Variants in SLC24A3 observed in about 807,000 individuals in gnomAD.
The protein encoded by SLC24A3 is sodium/potassium/calcium exchanger 3.
SLC24A3 carries 28 observed loss-of-function variants against 75.8 expected under a neutral mutation model. That is an observed-to-expected ratio of 0.37 (90% CI 0.27 to 0.51). The LOEUF is 0.51. Ranked by LOEUF, SLC24A3 falls within the 20% of genes least tolerant of loss-of-function variation. The pLI, the probability that SLC24A3 is intolerant of heterozygous loss-of-function variation, is 0.94. For missense variants in SLC24A3, 663 were observed against 847.8 expected, an observed-to-expected ratio of 0.78 and a Z score of 2.71; for synonymous variants, 372 against 334.1, an observed-to-expected ratio of 1.11 and a Z score of -1.24.
intron 8 of SLC24A3, among the ~76,000 whole-genome samples, chr20:19,666,759 G>A (rs1271771583): frequency 2.6e-5 from 4 of 152,196 alleles, no homozygotes; most frequent in South Asian, 2.1e-4. Context: ...CGAGGTGGGC[G>A]GATCACCTGA....
At chr20:19,379,118 A>G (rs1986138214) in intron 2 of SLC24A3, among the ~76,000 whole-genome samples, 1 of 152,120 alleles carries the variant, frequency 6.6e-6, no homozygotes, top group Non-Finnish European at 1.5e-5. Flanking sequence ...AAGCAGATGA[A>G]CCATGAGCGG....
chr20:19,304,910 T>G (rs1232155303), intron 2 of SLC24A3, among the ~76,000 whole-genome samples: 2 of 152,238 alleles, frequency 1.3e-5, no homozygotes, highest in African/African-American at 4.8e-5. Flanking sequence ...TGGCCCTGTC[T>G]GAACTTTAAG....
chr20:19,395,277 G>A (rs78529973), intron 2 of SLC24A3, among the ~76,000 whole-genome samples: 2,288 of 152,226 alleles, frequency 0.015, 50 homozygotes, highest in African/African-American at 0.048. Flanking sequence ...AAAAATGTGC[G>A]TATACTTAAC....
intron 3 of SLC24A3, among the ~76,000 whole-genome samples, chr20:19,569,957 C>A (rs946164264): frequency 6.6e-6 from 1 of 152,190 alleles, no homozygotes; most frequent in Non-Finnish European, 1.5e-5. Flanking sequence ...GAGTTGGCTT[C>A]TGCTTTCTGC....
intron 1 of SLC24A3, among the ~76,000 whole-genome samples, chr20:19,231,363 T>C (rs1363561528): frequency 3.3e-5 from 5 of 152,174 alleles, no homozygotes; most frequent in African/African-American, 1.2e-4. Flanking sequence ...GCTGATGGAA[T>C]TCAGGTTGCA....
Position 19,515,544 on chromosome 20 carries a change from G to T in SLC24A3, c.328G>T (p.Val110Leu). The T allele has an allele frequency of 6.2e-7, 1 of 1,614,194 alleles. No homozygotes were observed. Among genetic ancestry groups the T allele is most frequent in the South Asian group, 1.1e-5 (1 of 91,082 alleles). ...FTNEDRRQGA[V>L]VLHVLCAIYM... ...AAACGAGGATAGAAGACAAGGTGCG[G>T]TGGTCCTCCATGTGCTCTGTGTAAG... The change falls in exon 3 of 17, where the codon GTG (valine) becomes TTG (leucine). Residue 110 changes from valine to leucine, a missense_variant. By Grantham distance (32) the Val-to-Leu change is conservative. Transcript: ENST00000328041.
chr20:19,381,713 A>G (rs1015435323), intron 2 of SLC24A3, among the ~76,000 whole-genome samples: 5 of 152,184 alleles, frequency 3.3e-5, no homozygotes, highest in Admixed American at 1.3e-4. Flanking sequence ...CAACCTCCCA[A>G]CTACGGTTTC....
intron 2 of SLC24A3, among the ~76,000 whole-genome samples, chr20:19,505,913 C>G (rs536517377): frequency 6.7e-4 from 102 of 152,280 alleles, no homozygotes; most frequent in Non-Finnish European, 1.4e-3. Flanking sequence ...TGGGAAACTC[C>G]CCTATCCATA....
rs559368597 is a variant in SLC24A3, at chr20:19,456,837, A to C, written c.272-58651A>C. 9.2e-5 allele frequency among the ~76,000 whole-genome samples: 14 copies of C among 152,340 alleles called. No homozygotes were observed. In the East Asian group the frequency reaches 2.7e-3, roughly 29 times the overall value. On this transcript the variant is annotated intron_variant, in intron 2 of 16. Coordinates refer to ENST00000328041, the MANE Select transcript of SLC24A3 (RefSeq NM_020689.4). ...GACCTGGGAGTCAGTGCAACACACCAGTCACCACCCTGGGCTTATTACACT... is the reference window on the plus strand; with the variant it reads ...GACCTGGGAGTCAGTGCAACACACCCGTCACCACCCTGGGCTTATTACACT...
intron 2 of SLC24A3, among the ~76,000 whole-genome samples, chr20:19,513,939 C>T (rs2029934165): frequency 6.6e-6 from 1 of 152,022 alleles, no homozygotes; most frequent in Non-Finnish European, 1.5e-5. Flanking sequence ...GATTTAGATC[C>T]ATCCTCTTCG....
At chr20:19,491,034 C>T (rs2122530309) in intron 2 of SLC24A3, among the ~76,000 whole-genome samples, 1 of 152,326 alleles carries the variant, frequency 6.6e-6, no homozygotes, top group Admixed American at 6.5e-5. Flanking sequence ...CTCAACTTTG[C>T]CTTTTCCTCT....
At chr20:19,552,769 G>A (rs1234830823) in intron 3 of SLC24A3, among the ~76,000 whole-genome samples, 2 of 152,094 alleles carry the variant, frequency 1.3e-5, no homozygotes, top group African/African-American at 2.4e-5. Context: ...TCCCTGGCCT[G>A]TAATCTCACA....
At chr20:19,715,519 C>T (rs1600355007) in intron 15 of SLC24A3, among the ~76,000 whole-genome samples, 1 of 152,320 alleles carries the variant, frequency 6.6e-6, no homozygotes, top group Middle Eastern at 3.4e-3. Context: ...AAATGGTTGA[C>T]TCACAGGGAT....
intron 12 of SLC24A3, among the ~76,000 whole-genome samples, chr20:19,688,883 TTAA>T (rs1381580734): frequency 7.7e-6 from 1 of 130,052 alleles, no homozygotes; most frequent in African/African-American, 3.4e-5. Flanking sequence ...CTGTGTACAC[TTAA>T]TATATTGTAT....
chr20:19,240,790 C>A (rs1035595604), intron 1 of SLC24A3, among the ~76,000 whole-genome samples: 3 of 152,150 alleles, frequency 2.0e-5, no homozygotes, highest in African/African-American at 7.2e-5. Flanking sequence ...GTCAATGGGA[C>A]CACTTTTTGT....
At chr20:19,226,849 C>T (rs142751747) in intron 1 of SLC24A3, among the ~76,000 whole-genome samples, 3 of 152,306 alleles carry the variant, frequency 2.0e-5, no homozygotes, top group East Asian at 1.9e-4. Context: ...ACTATTACAT[C>T]GTATCCTTTG....
chr20:19,475,709 G>A (rs1255369816), intron 2 of SLC24A3, among the ~76,000 whole-genome samples: 1 of 152,114 alleles, frequency 6.6e-6, no homozygotes, highest in East Asian at 1.9e-4. Flanking sequence ...ATTTTAATTA[G>A]TATGTGTTCT....
chr20:19,671,252 C>T (rs977961503), intron 8 of SLC24A3, among the ~76,000 whole-genome samples: 3 of 152,028 alleles, frequency 2.0e-5, no homozygotes, highest in Admixed American at 6.6e-5. Flanking sequence ...GGGAAAGAGA[C>T]GGCTGTGTGC....
chr20:19,273,250 G>T (rs1332182587), intron 1 of SLC24A3, among the ~76,000 whole-genome samples: 4 of 152,160 alleles, frequency 2.6e-5, no homozygotes, highest in East Asian at 3.9e-4. Context: ...GGACAGGAAG[G>T]CAAAGGGATT....
Sources: allele counts gnomAD v4.1 joint callset (sites outside exome capture counted in the v4.1 genomes callset), GRCh38; gene constraint gnomAD v4.1.1; transcripts MANE v1.5; gene names NCBI Gene and HGNC (gene_info 2026-07-23, HGNC 2026-07-21).